Variants in NCK2 observed in about 807,000 individuals in gnomAD.
NCK2 encodes the protein NCK adaptor protein 2, also known as cytoplasmic protein NCK2.
Under a neutral mutation model 33.9 loss-of-function variants are expected in NCK2, and 16 were observed. That is an observed-to-expected ratio of 0.47 (90% CI 0.32 to 0.72). The LOEUF is 0.72. Ranked by LOEUF, NCK2 falls within the 30% of genes least tolerant of loss-of-function variation. The probability of loss-of-function intolerance (pLI) is 0.03; values close to 1 mark genes in which losing one functional copy is unlikely to be tolerated. For synonymous variants in NCK2, 273 were observed against 239.9 expected, an observed-to-expected ratio of 1.14 and a Z score of -1.27; for missense variants, 418 against 537.3, an observed-to-expected ratio of 0.78 and a Z score of 2.19.
chr2:105,769,409 A>G (rs1690053442), intron 1 of NCK2, among the ~76,000 whole-genome samples: 1 of 151,900 alleles, frequency 6.6e-6, no homozygotes, highest in African/African-American at 2.4e-5. Context: ...TGTGCTGGTA[A>G]CTCCCCCGTT....
intron 1 of NCK2, among the ~76,000 whole-genome samples, chr2:105,772,951 G>C (rs1238549778): frequency 6.7e-6 from 1 of 149,836 alleles, no homozygotes; most frequent in Non-Finnish European, 1.5e-5. Context: ...GAGTGCAGTG[G>C]TGTGATCATG....
At chr2:105,790,353 C>T (rs920600482) in intron 1 of NCK2, among the ~76,000 whole-genome samples, 2 of 152,216 alleles carry the variant, frequency 1.3e-5, no homozygotes, top group Non-Finnish European at 2.9e-5. Context: ...AGTTGCTGAG[C>T]CCTGGGCTTC....
chr2:105,861,901 TTTCC>T (rs1677549663), intron 3 of NCK2, among the ~76,000 whole-genome samples: 1 of 113,804 alleles, frequency 8.8e-6, no homozygotes, highest in African/African-American at 4.1e-5. Flanking sequence ...CCTGGAATTC[TTTCC>T]TCCCTCCCTC....
intron 1 of NCK2, among the ~76,000 whole-genome samples, chr2:105,757,286 A>G (rs1342252697): frequency 2.0e-5 from 3 of 152,168 alleles, no homozygotes; most frequent in Non-Finnish European, 4.4e-5. Flanking sequence ...CCTGTAATGT[A>G]CTTTCACAAC....
At chr2:105,800,459 G>A (rs1674787178) in intron 1 of NCK2, among the ~76,000 whole-genome samples, 1 of 152,170 alleles carries the variant, frequency 6.6e-6, no homozygotes, top group Non-Finnish European at 1.5e-5. Flanking sequence ...GAAATTCTGA[G>A]GTGCACAGTT....
chr2:105,861,906 TC>T, intron 3 of NCK2, among the ~76,000 whole-genome samples: 1 of 4,590 alleles, frequency 2.2e-4, no homozygotes, highest in Non-Finnish European at 4.1e-4. Context: ...AATTCTTTCC[TC>T]CCTCCCTCCC....
chr2:105,755,779 G>A (rs1689584334), intron 1 of NCK2, among the ~76,000 whole-genome samples: 1 of 151,368 alleles, frequency 6.6e-6, no homozygotes, highest in Non-Finnish European at 1.5e-5. Flanking sequence ...TAGCTCAGAA[G>A]CCTTACGTTG....
At chr2:105,844,878 A>T (rs1249962728) in intron 2 of NCK2, among the ~76,000 whole-genome samples, 1 of 151,288 alleles carries the variant, frequency 6.6e-6, no homozygotes, top group African/African-American at 2.4e-5. Context: ...TTATTTCCTC[A>T]TTCTGTTTTC....
intron 1 of NCK2, among the ~76,000 whole-genome samples, chr2:105,759,900 G>A (rs976271680): frequency 1.3e-5 from 2 of 152,114 alleles, no homozygotes; most frequent in Non-Finnish European, 2.9e-5. Flanking sequence ...GGTTTGGGGA[G>A]GAAGGCCACC....
intron 1 of NCK2, among the ~76,000 whole-genome samples, chr2:105,812,494 C>G (rs867620120): frequency 2.0e-5 from 3 of 152,188 alleles, no homozygotes; most frequent in African/African-American, 7.2e-5. Flanking sequence ...GCGCTGACCC[C>G]GTGCTGTGTT....
intron 2 of NCK2, among the ~76,000 whole-genome samples, chr2:105,832,764 TTTG>T (rs1402915077): frequency 3.9e-5 from 6 of 152,040 alleles, no homozygotes; most frequent in East Asian, 1.9e-4. Context: ...GCCTGTAGTT[TTTG>T]TTGTTGTTGT....
At chr2:105,816,898 CG>C (rs1251731270) in intron 2 of NCK2, among the ~76,000 whole-genome samples, 3 of 152,100 alleles carry the variant, frequency 2.0e-5, no homozygotes, top group African/African-American at 7.2e-5. Context: ...GAATCCATAA[CG>C]AATCCTGGTC....
intron 4 of NCK2, among the ~76,000 whole-genome samples, chr2:105,885,332 T>C (rs998436396): frequency 6.6e-6 from 1 of 152,250 alleles, no homozygotes; most frequent in African/African-American, 2.4e-5. Flanking sequence ...AAAAACTGTC[T>C]CGCTAAGGAT....
chr2:105,789,175 T>C (rs1395786988), intron 1 of NCK2, among the ~76,000 whole-genome samples: 1 of 152,132 alleles, frequency 6.6e-6, no homozygotes, highest in Non-Finnish European at 1.5e-5. Flanking sequence ...GATGTGGCAC[T>C]TCACACCATT....
intron 4 of NCK2, among the ~76,000 whole-genome samples, chr2:105,885,530 C>A (rs1234063753): frequency 6.6e-6 from 1 of 152,152 alleles, no homozygotes; most frequent in Non-Finnish European, 1.5e-5. Flanking sequence ...AATAATGATT[C>A]TCTAACTGTA....
intron 2 of NCK2, among the ~76,000 whole-genome samples, chr2:105,839,615 A>T (rs969632693): frequency 1.3e-5 from 2 of 152,156 alleles, no homozygotes; most frequent in Admixed American, 6.5e-5. Context: ...TTTGTTTTTC[A>T]TGGGGAGAAT....
At chr2:105,795,825 C>A (rs1573603228) in intron 1 of NCK2, among the ~76,000 whole-genome samples, 1 of 152,306 alleles carries the variant, frequency 6.6e-6, no homozygotes, top group East Asian at 1.9e-4. Context: ...TCCCTCCTCC[C>A]TAACTTCCTT....
At chr2:105,826,642 T>G (rs1264834881) in intron 2 of NCK2, among the ~76,000 whole-genome samples, 3 of 152,178 alleles carry the variant, frequency 2.0e-5, no homozygotes, top group Non-Finnish European at 4.4e-5. Context: ...GGCTCTGGAT[T>G]TGGGTTCTAG....
intron 1 of NCK2, among the ~76,000 whole-genome samples, chr2:105,791,542 C>T (rs935243114): frequency 4.6e-5 from 7 of 152,168 alleles, no homozygotes; most frequent in African/African-American, 1.4e-4. Flanking sequence ...TTATTTGTTC[C>T]GTGTATTACA....
Sources: allele counts gnomAD v4.1 joint callset (sites outside exome capture counted in the v4.1 genomes callset), GRCh38; gene constraint gnomAD v4.1.1; transcripts MANE v1.5; gene names NCBI Gene and HGNC (gene_info 2026-07-23, HGNC 2026-07-21).